The following KCNK2 variants were observed in gnomAD, a reference collection of about 807,000 sequenced individuals.
KCNK2 encodes the protein potassium channel subfamily K member 2.
KCNK2 carries 21 observed loss-of-function variants against 40.5 expected under a neutral mutation model. The observed-to-expected ratio is 0.52, with a 90% CI of 0.37 to 0.75. The LOEUF is 0.75. Among genes scored for constraint, KCNK2 ranks in the 30% least tolerant of loss-of-function variants. The pLI is 0.00. For synonymous variants in KCNK2, 191 were observed against 202.2 expected (o/e 0.94, Z 0.47); for missense variants, 399 against 531.6 (o/e 0.75, Z 2.45).
At chr1:215,022,171 C>G (rs1656829228) in intron 1 of KCNK2, among the ~76,000 whole-genome samples, 1 of 88,200 alleles carries the variant, frequency 1.1e-5, no homozygotes, top group Non-Finnish European at 2.9e-5. Context: ...CTATTGTTTC[C>G]TTTCCTAGGA....
chr1:215,032,767 A>G (rs974301133), intron 1 of KCNK2, among the ~76,000 whole-genome samples: 1 of 152,020 alleles, frequency 6.6e-6, no homozygotes, highest in East Asian at 1.9e-4. Context: ...GCTTCTCTGT[A>G]GGTAAGGTGT....
intron 6 of KCNK2, among the ~76,000 whole-genome samples, chr1:215,211,644 C>T (rs559189518): frequency 1.3e-5 from 2 of 152,206 alleles, no homozygotes; most frequent in Admixed American, 1.3e-4. Flanking sequence ...TAGCATATAA[C>T]AGGCACTCAA....
intron 6 of KCNK2, among the ~76,000 whole-genome samples, chr1:215,206,435 A>G (rs1665316497): frequency 6.6e-6 from 1 of 152,204 alleles, no homozygotes; most frequent in Non-Finnish European, 1.5e-5. Context: ...TTTGAAACTC[A>G]TATTTCCAAG....
In KCNK2 at chr1:215,114,994, GGTGTGTGTGTGT is replaced by G. The variant is rs59948899; in HGVS notation, c.358-9616_358-9605del. ...ATTGTGTTAACTGGTTACTTTGTCA[GGTGTGTGTGTGT>G]GTGTGTGTGTGTGTGTGTGTGTACA... is the stretch of plus-strand genomic sequence containing the variant. On this transcript the variant is annotated intron_variant, in intron 2 of 6. Transcript: ENST00000444842. 6.7e-4 allele frequency among the ~76,000 whole-genome samples: 99 copies of G among 147,334 alleles called. 1 individual carries two copies. In the South Asian group the frequency reaches 0.019, roughly 29 times the overall value.
upstream of KCNK2, among the ~76,000 whole-genome samples, chr1:215,080,649 CA>C (rs1205408710): frequency 2.6e-5 from 4 of 152,298 alleles, no homozygotes; most frequent in East Asian, 7.7e-4. Flanking sequence ...CCTCACTGAG[CA>C]TACAATCTAG....
chr1:215,230,688 A>G (rs1205971554), intron 6 of KCNK2, among the ~76,000 whole-genome samples: 1 of 147,054 alleles, frequency 6.8e-6, no homozygotes, highest in African/African-American at 2.5e-5. Flanking sequence ...CTGAAGCTTA[A>G]AGAAGGTTAA....
At position 215,082,804 on chromosome 1, in the gene KCNK2, G is replaced by A. The variant is rs1659220505; in HGVS notation, c.-582G>A. Among the ~76,000 whole-genome samples the A allele has an allele frequency of 6.6e-6, 1 of 152,048 alleles. No individual in the cohort carries two copies. The highest frequency in any genetic ancestry group is 6.5e-5 in the Admixed American group (1 of 15,280). ...GAGCAGCGGAGGGCTGCAGAGCTGC[G>A]GGCGCCCGGACCGTGCCACACACCC... On this transcript the variant is annotated 5_prime_UTR_variant, in exon 1 of 7. Transcript: ENST00000444842.
At chr1:215,077,719 G>A (rs893177892) in intron 1 of KCNK2, among the ~76,000 whole-genome samples, 6 of 151,922 alleles carry the variant, frequency 3.9e-5, no homozygotes, top group African/African-American at 1.5e-4. Context: ...TCTTCCAACT[G>A]CAGTCTTCTT....
Position 215,083,195 on chromosome 1 carries a change from C to A in KCNK2, c.-191C>A. On this transcript the variant is annotated 5_prime_UTR_variant, in exon 1 of 7. Coordinates refer to ENST00000444842, the MANE Select transcript of KCNK2 (RefSeq NM_001017425.3). ...CCGCGATTTCGTTTCTTCTCACGCT[C>A]CCCCCCCCGCCCCCTCCCGCGTCCA... 44 of 224,696 alleles carry A rather than the reference C, an allele frequency of 2.0e-4. No individual in the cohort carries two copies. The highest frequency in any genetic ancestry group is 5.5e-4 in the East Asian group (3 of 5,414). 13.9% of individuals were successfully genotyped at this position (224,696 alleles called of 1,614,324 possible).
At chr1:215,139,209 C>T (rs931220920) in intron 3 of KCNK2, among the ~76,000 whole-genome samples, 1 of 152,062 alleles carries the variant, frequency 6.6e-6, no homozygotes, top group African/African-American at 2.4e-5. Flanking sequence ...AATATGATTA[C>T]CATTTCTTAT....
At chr1:215,155,458 C>T (rs547681044) in intron 3 of KCNK2, among the ~76,000 whole-genome samples, 32 of 152,048 alleles carry the variant, frequency 2.1e-4, no homozygotes, top group South Asian at 2.1e-3. Context: ...TTTAAAACTA[C>T]GAATTTTTGT....
At chr1:215,098,721 G>A (rs1660082695) in intron 2 of KCNK2, among the ~76,000 whole-genome samples, 1 of 151,836 alleles carries the variant, frequency 6.6e-6, no homozygotes, top group African/African-American at 2.4e-5. Context: ...TTTGTACAAG[G>A]AATCAATTAT....
intron 1 of KCNK2, among the ~76,000 whole-genome samples, chr1:215,072,311 C>T (rs1295884933): frequency 6.6e-6 from 1 of 152,184 alleles, no homozygotes; most frequent in African/African-American, 2.4e-5. Context: ...CTGGGAAGGA[C>T]TCACAATCAT....
At chr1:215,173,553 C>T (rs887311426) in intron 5 of KCNK2, among the ~76,000 whole-genome samples, 1 of 152,180 alleles carries the variant, frequency 6.6e-6, no homozygotes, top group Non-Finnish European at 1.5e-5. Context: ...ACACTGACTT[C>T]CACAATGGTT....
Position 215,191,283 on chromosome 1 carries a change from CAA to C in KCNK2, c.824-3656_824-3655del, listed in dbSNP as rs34924845. ...TGGGTGACAGAGTGAGGCTGCATCT[CAA>C]AAAAAAAAAAAAATGCCTTTTAAAA... On this transcript the variant is annotated intron_variant, in intron 5 of 6. Transcript: ENST00000444842. 5.9e-3 allele frequency among the ~76,000 whole-genome samples: 813 copies of C among 138,972 alleles called. 1 individual carries two copies. Among genetic ancestry groups the C allele is most frequent in the Middle Eastern group, 0.011 (3 of 274 alleles). 91.2% of individuals were successfully genotyped at this position (138,972 alleles called of 152,430 possible).
chr1:215,214,807 T>A (rs1276855093), intron 6 of KCNK2, among the ~76,000 whole-genome samples: 1 of 151,892 alleles, frequency 6.6e-6, no homozygotes, highest in African/African-American at 2.4e-5. Flanking sequence ...GCCTGGGCAG[T>A]GGGAGTGAGA....
At chr1:215,051,146 T>G (rs1007993221) in intron 1 of KCNK2, among the ~76,000 whole-genome samples, 2 of 152,144 alleles carry the variant, frequency 1.3e-5, no homozygotes, top group African/African-American at 4.8e-5. Flanking sequence ...TGCAATCATT[T>G]TATACCGCCA....
chr1:215,218,061 A>T (rs1445367657), intron 6 of KCNK2, among the ~76,000 whole-genome samples: 1 of 152,168 alleles, frequency 6.6e-6, no homozygotes, highest in East Asian at 1.9e-4. Flanking sequence ...TTCACAGGGG[A>T]ATAGAGGAGT....
chr1:215,060,923 C>A (rs1658341158), intron 1 of KCNK2, among the ~76,000 whole-genome samples: 1 of 151,982 alleles, frequency 6.6e-6, no homozygotes, highest in Non-Finnish European at 1.5e-5. Context: ...TTTAAAATTT[C>A]TAAGTAAGTT....
Sources: gnomAD v4.1 joint callset for allele counts (sites outside exome capture counted in the v4.1 genomes callset) on GRCh38, gnomAD v4.1.1 for gene constraint, MANE v1.5 for transcripts, NCBI Gene and HGNC (gene_info 2026-07-23, HGNC 2026-07-21) for gene names.